SCTR: variants seen among roughly 807,000 people sequenced by gnomAD.
SCTR encodes pancreatic secretin receptor.
A neutral mutation model predicts 60.8 loss-of-function variants in SCTR; 56 were observed. The observed-to-expected ratio is 0.92, with a 90% CI of 0.74 to 1.15. The LOEUF (loss-of-function observed/expected upper bound fraction) is 1.15. Ranked by LOEUF, SCTR falls within the 50% of genes most tolerant of loss-of-function variation. The pLI, the probability that SCTR is intolerant of heterozygous loss-of-function variation, is 0.00. For missense variants in SCTR, 562 were observed against 550.4 expected (o/e 1.02, Z -0.21); for synonymous variants, 202 against 217.0 (o/e 0.93, Z 0.61).
intron 3 of SCTR, among the ~76,000 whole-genome samples, chr2:119,475,102 C>T (rs896659500): frequency 2.6e-5 from 4 of 152,210 alleles, no homozygotes; most frequent in East Asian, 1.9e-4. Context: ...GCATCACTCC[C>T]CTCTCTTTTT....
intron 7 of SCTR, among the ~76,000 whole-genome samples, chr2:119,456,263 T>C (rs924199243): frequency 6.6e-6 from 1 of 151,998 alleles, no homozygotes; most frequent in African/African-American, 2.4e-5. Context: ...TTTCAACACG[T>C]TGGCCAGGAT....
chr2:119,450,940 G>C (rs1487051274), intron 9 of SCTR, among the ~76,000 whole-genome samples: 1 of 152,216 alleles, frequency 6.6e-6, no homozygotes, highest in African/African-American at 2.4e-5. Flanking sequence ...TCCAGCCTGG[G>C]TGACAGAGTG....
chr2:119,464,174 C>G lies in SCTR; in HGVS notation c.585G>C (p.Lys195Asn), dbSNP rs1683732744. ...CATCTGAGGAGAAGAGCACGGCGTC[C>G]TTGATGAAGTTGGACAGGGCACGAA... ...FILRALSNFI[K>N]DAVLFSSDDV... Residue 195 changes from lysine to asparagine, a missense_variant, in exon 6 of 13, where the codon AAG (lysine) becomes AAC (asparagine). Lys to Asn is a moderately conservative substitution (Grantham distance 94, BLOSUM62 0). Transcript: ENST00000019103. The G allele has an allele frequency of 6.2e-7, 1 of 1,614,156 alleles. No individual in the cohort carries two copies. The highest frequency in any genetic ancestry group is 8.5e-7 in the Non-Finnish European group (1 of 1,180,012).
At chr2:119,495,119 A>G (rs1192480052) in intron 1 of SCTR, among the ~76,000 whole-genome samples, 1 of 151,962 alleles carries the variant, frequency 6.6e-6, no homozygotes, top group African/African-American at 2.4e-5. Context: ...ATTTACACAC[A>G]CACACACACA....
intron 7 of SCTR, among the ~76,000 whole-genome samples, chr2:119,455,507 C>A (rs946964366): frequency 6.6e-6 from 1 of 152,180 alleles, no homozygotes; most frequent in Non-Finnish European, 1.5e-5. Flanking sequence ...CTCTAAGGAA[C>A]GCCATCGGAG....
At chr2:119,516,655 C>G (rs1256736407) in intron 1 of SCTR, among the ~76,000 whole-genome samples, 1 of 152,134 alleles carries the variant, frequency 6.6e-6, no homozygotes, top group Non-Finnish European at 1.5e-5. Context: ...AGCATGAAGA[C>G]TATAGTTAAT....
chr2:119,466,173 T>C (rs1263936820), intron 4 of SCTR, among the ~76,000 whole-genome samples: 1 of 151,982 alleles, frequency 6.6e-6, no homozygotes, highest in African/African-American at 2.4e-5. Context: ...ATTCAAACCT[T>C]TGCTTGAATA....
intron 1 of SCTR, among the ~76,000 whole-genome samples, chr2:119,507,822 G>A (rs1678795434): frequency 6.6e-6 from 1 of 151,756 alleles, no homozygotes; most frequent in Non-Finnish European, 1.5e-5. Flanking sequence ...GGGATTACAG[G>A]CACCAGCCAC....
intron 1 of SCTR, among the ~76,000 whole-genome samples, chr2:119,523,009 G>A (rs1325420706): frequency 6.6e-6 from 1 of 152,172 alleles, no homozygotes. Flanking sequence ...AGAAAAATGA[G>A]CATCTCCTGA....
chr2:119,499,648 T>C (rs1225044022), intron 1 of SCTR, among the ~76,000 whole-genome samples: 1 of 152,130 alleles, frequency 6.6e-6, no homozygotes, highest in East Asian at 1.9e-4. Context: ...TGAATCAATG[T>C]AATTTATCGT....
chr2:119,444,125 A>G (rs13006523), intron 11 of SCTR, among the ~76,000 whole-genome samples: 2 of 103,276 alleles, frequency 1.9e-5, no homozygotes, highest in African/African-American at 3.7e-5. Flanking sequence ...ATGTGTGTGT[A>G]TATATAAGAA....
At chr2:119,478,987 A>G (rs1057454839) in intron 2 of SCTR, 69 bp from the exon 3 acceptor site, 19 of 1,595,608 alleles carry the variant, frequency 1.2e-5, no homozygotes, top group Middle Eastern at 1.7e-4. Flanking sequence ...TCCTGTCCAC[A>G]TCACCGACAC....
chr2:119,492,217 A>G (rs940403126), intron 2 of SCTR, among the ~76,000 whole-genome samples: 3 of 152,244 alleles, frequency 2.0e-5, no homozygotes, highest in African/African-American at 7.2e-5. Context: ...GGAATCTGGA[A>G]TATGGCAACA....
chr2:119,476,191 A>G (rs1677292861), intron 3 of SCTR, among the ~76,000 whole-genome samples: 2 of 152,148 alleles, frequency 1.3e-5, no homozygotes, highest in South Asian at 4.2e-4. Flanking sequence ...CTGCCGGGAG[A>G]TGAAGGGGCA....
At chr2:119,447,109 T>C (rs1682962823) in intron 10 of SCTR, among the ~76,000 whole-genome samples, 1 of 151,828 alleles carries the variant, frequency 6.6e-6, no homozygotes, top group Non-Finnish European at 1.5e-5. Context: ...CCCCAAACTT[T>C]CTGATCATGC....
In SCTR at chr2:119,446,439, G is replaced by A. The variant is rs188308385; in HGVS notation, c.1140+320C>T. ...TTCCCGCCCCAGTGTTTGATGACTT[G>A]GCCATCCGCGCTTACGTTATTTTGA... is the stretch of plus-strand genomic sequence containing the variant. On this transcript the variant is annotated intron_variant, in intron 11 of 12. Coordinates refer to ENST00000019103, the MANE Select transcript of SCTR (RefSeq NM_002980.3). 9.2e-4 allele frequency among the ~76,000 whole-genome samples: 140 copies of A among 152,228 alleles called. No individual in the cohort carries two copies. The Middle Eastern group carries it at 0.01, about 11-fold the overall frequency.
At chr2:119,465,096 A>G (rs1192525235) in intron 5 of SCTR, among the ~76,000 whole-genome samples, 1 of 152,146 alleles carries the variant, frequency 6.6e-6, no homozygotes, top group South Asian at 2.1e-4. Context: ...CTCATGACAG[A>G]CTTGATCAAT....
chr2:119,492,918 G>A (rs1444297605), intron 2 of SCTR, among the ~76,000 whole-genome samples: 1 of 151,562 alleles, frequency 6.6e-6, no homozygotes, highest in Non-Finnish European at 1.5e-5. Flanking sequence ...AGGCTGGAGT[G>A]CAATGACATG....
chr2:119,445,957 C>G (rs547748712), intron 11 of SCTR, among the ~76,000 whole-genome samples: 1 of 152,074 alleles, frequency 6.6e-6, no homozygotes, highest in Non-Finnish European at 1.5e-5. Flanking sequence ...TTCCCAAAAG[C>G]GACATTGCAT....
Sources: allele counts gnomAD v4.1 joint callset (sites outside exome capture counted in the v4.1 genomes callset), GRCh38; gene constraint gnomAD v4.1.1; transcripts MANE v1.5; gene names NCBI Gene and HGNC (gene_info 2026-07-23, HGNC 2026-07-21).